NRXN1: variants seen among roughly 807,000 people sequenced by gnomAD.
NRXN1 encodes neurexin-1.
NRXN1 carries 39 observed loss-of-function variants against 150.9 expected under a neutral mutation model. The ratio of observed to expected loss-of-function variants is 0.26; its 90% confidence interval spans 0.20 to 0.34. The LOEUF (loss-of-function observed/expected upper bound fraction) is 0.34. Ranked by LOEUF, NRXN1 falls within the 10% of genes least tolerant of loss-of-function variation. The pLI, the probability that NRXN1 is intolerant of heterozygous loss-of-function variation, is 1.00. For missense variants in NRXN1, 1,815 were observed against 1,949.9 expected (o/e 0.93, Z 1.30); for synonymous variants, 924 against 757.0 (o/e 1.22, Z -3.62).
In NRXN1 at chr2:50,111,600, C is replaced by G. The variant is rs149977581; in HGVS notation, c.3547-20106G>C. ...GTTGCAGTGAGCCAAGATCGCCCCA[C>G]TGAATTCCAGCCTGGGTGACAGAGT... On this transcript the variant is annotated intron_variant, in intron 18 of 22. Transcript: ENST00000401669. Among the ~76,000 whole-genome samples the G allele has an allele frequency of 5.6e-3, 849 of 151,872 alleles. 7 individuals carry two copies. The highest frequency in any genetic ancestry group is 0.02 in the African/African-American group (816 of 41,402).
intron 15 of NRXN1, among the ~76,000 whole-genome samples, chr2:50,487,524 C>A (rs1468824823): frequency 6.6e-6 from 1 of 152,214 alleles, no homozygotes; most frequent in Non-Finnish European, 1.5e-5. Context: ...TAAAAATGCA[C>A]TTTCCTGTGT....
chr2:50,140,805 C>T (rs1707163182), intron 18 of NRXN1, among the ~76,000 whole-genome samples: 1 of 151,754 alleles, frequency 6.6e-6, no homozygotes, highest in African/African-American at 2.4e-5. Flanking sequence ...TATGGGAAGG[C>T]TCTGACTGAA....
intron 17 of NRXN1, among the ~76,000 whole-genome samples, chr2:50,367,206 TGTC>T (rs2079646512): frequency 6.6e-6 from 1 of 151,808 alleles, no homozygotes; most frequent in East Asian, 1.9e-4. Context: ...CAGAAGAAAA[TGTC>T]GTTGAGTAAA....
chr2:50,354,125 A>G (rs1156912839), intron 17 of NRXN1, among the ~76,000 whole-genome samples: 3 of 152,312 alleles, frequency 2.0e-5, no homozygotes, highest in African/African-American at 7.2e-5. Context: ...AGCATAGATC[A>G]TAGTGCTGTT....
intron 5 of NRXN1, among the ~76,000 whole-genome samples, chr2:50,860,255 T>G (rs929641595): frequency 6.7e-6 from 1 of 149,668 alleles, no homozygotes; most frequent in African/African-American, 2.5e-5. Flanking sequence ...GATAACAACA[T>G]CAGAAAAAAA....
chr2:51,021,567 C>T (rs1029608027), intron 2 of NRXN1, among the ~76,000 whole-genome samples: 5 of 150,582 alleles, frequency 3.3e-5, no homozygotes, highest in African/African-American at 9.7e-5. Context: ...TATATATATA[C>T]ACAATTTTAT....
intron 18 of NRXN1, among the ~76,000 whole-genome samples, chr2:50,132,773 A>C (rs1009275742): frequency 6.6e-6 from 1 of 151,946 alleles, no homozygotes; most frequent in Admixed American, 6.6e-5. Context: ...GGAAACGTCT[A>C]ATGTACATAG....
chr2:50,235,075 T>C (rs1258313673), intron 18 of NRXN1, among the ~76,000 whole-genome samples: 2 of 152,100 alleles, frequency 1.3e-5, no homozygotes, highest in South Asian at 2.1e-4. Flanking sequence ...TGTAGAACCT[T>C]TTCTCAGAGT....
chr2:50,453,137 T>C (rs903478933), intron 17 of NRXN1, among the ~76,000 whole-genome samples: 2 of 152,220 alleles, frequency 1.3e-5, no homozygotes, highest in Non-Finnish European at 2.9e-5. Flanking sequence ...TCTTTCATTA[T>C]CTGGAAAGCA....
At chr2:50,521,990 C>A (rs1438554742) in intron 12 of NRXN1, among the ~76,000 whole-genome samples, 1 of 151,668 alleles carries the variant, frequency 6.6e-6, no homozygotes, top group Non-Finnish European at 1.5e-5. Context: ...GAATATACAA[C>A]ATATAGAGAG....
At chr2:50,107,540 T>TG (rs1553617159) in intron 18 of NRXN1, among the ~76,000 whole-genome samples, 1 of 110,472 alleles carries the variant, frequency 9.1e-6, no homozygotes, top group Admixed American at 9.9e-5. Flanking sequence ...TATATATATA[T>TG]TTTTTTTTTT....
At chr2:50,813,087 G>A (rs1473831722) in intron 5 of NRXN1, among the ~76,000 whole-genome samples, 3 of 152,040 alleles carry the variant, frequency 2.0e-5, no homozygotes, top group African/African-American at 4.8e-5. Flanking sequence ...CCAGCTACAT[G>A]GGAGGCTGAG....
In NRXN1 at chr2:50,102,827, A is replaced by G. The variant is rs376420909; in HGVS notation, c.3547-11333T>C. On this transcript the variant is annotated intron_variant, in intron 18 of 22. Transcript: ENST00000401669. ...TATGAACAAATGCAGACACAGATAT[A>G]AATATGTGGACTCTTTATAGCTATT... is the stretch of plus-strand genomic sequence containing the variant. Among the ~76,000 whole-genome samples, 49 of 152,210 alleles carry G rather than the reference A, an allele frequency of 3.2e-4. No individual in the cohort carries two copies. The East Asian group carries it at 6.2e-3, about 19-fold the overall frequency.
intron 2 of NRXN1, among the ~76,000 whole-genome samples, chr2:50,934,620 C>T (rs998264148): frequency 2.6e-5 from 4 of 152,086 alleles, no homozygotes; most frequent in Non-Finnish European, 4.4e-5. Context: ...TTCTATTGAG[C>T]GGTATTAACT....
At chr2:50,728,200 T>G (rs995952628) in intron 5 of NRXN1, among the ~76,000 whole-genome samples, 3 of 152,164 alleles carry the variant, frequency 2.0e-5, no homozygotes, top group African/African-American at 7.2e-5. Flanking sequence ...CTTATATGAC[T>G]CATAATGTCC....
At chr2:50,178,720 C>T (rs866463551) in intron 18 of NRXN1, among the ~76,000 whole-genome samples, 1 of 152,094 alleles carries the variant, frequency 6.6e-6, no homozygotes, top group Non-Finnish European at 1.5e-5. Flanking sequence ...CCTCATGTTA[C>T]ATATCACCAC....
chr2:50,876,412 A>G (rs1247550856), intron 5 of NRXN1, among the ~76,000 whole-genome samples: 6 of 151,850 alleles, frequency 4.0e-5, no homozygotes, highest in African/African-American at 1.4e-4. Flanking sequence ...TTTACAACTA[A>G]AATGTAATTA....
At position 49,922,227 on chromosome 2, in the gene NRXN1, C is replaced by G. The variant is rs373723029; in HGVS notation, c.4241G>C (p.Arg1414Thr). The G allele has an allele frequency of 2.5e-6, 4 of 1,613,928 alleles. No homozygotes were observed. The highest frequency in any genetic ancestry group is 1.1e-5 in the South Asian group (1 of 91,078). ...TTCTGCTGAGCCTGGATACGGCTCT[C>G]TGCCGCCTGCTCGGGTTGGGTTGGC... ...GLANPTRAGG[R>T]EPYPGSAEVI... Residue 1414 changes from arginine to threonine, a missense_variant, in exon 23 of 23, where the codon AGA becomes ACA. By Grantham distance (71) the Arg-to-Thr change is moderately conservative. This residue lies in a region of NRXN1 where 265 missense variants were observed against 307.1 expected (regional missense o/e 0.86). Coordinates refer to ENST00000401669, the MANE Select transcript of NRXN1 (RefSeq NM_001330078.2).
intron 2 of NRXN1, among the ~76,000 whole-genome samples, chr2:50,953,037 T>C (rs1037105942): frequency 6.6e-6 from 1 of 152,152 alleles, no homozygotes; most frequent in African/African-American, 2.4e-5. Flanking sequence ...AGAGGAACAC[T>C]GTCACCCTGG....
Sources: gnomAD v4.1 joint callset for allele counts (sites outside exome capture counted in the v4.1 genomes callset) on GRCh38, gnomAD v4.1.1 for gene constraint, gnomAD v4.1.1 regional missense constraint, MANE v1.5 for transcripts, NCBI Gene and HGNC (gene_info 2026-07-23, HGNC 2026-07-21) for gene names.